Variants in SEMA3E observed in about 807,000 individuals in gnomAD.
The protein encoded by SEMA3E is semaphorin-3E.
Under a neutral mutation model 93.6 loss-of-function variants are expected in SEMA3E, and 49 were observed. The observed-to-expected ratio is 0.52, with a 90% CI of 0.42 to 0.66. The LOEUF (loss-of-function observed/expected upper bound fraction) is 0.66, where lower values mean the gene tolerates loss of function less well. Ranked by LOEUF, SEMA3E falls within the 30% of genes least tolerant of loss-of-function variation. The pLI is 0.00. For missense variants in SEMA3E, 906 were observed against 964.8 expected (o/e 0.94, Z 0.81); for synonymous variants, 363 against 330.7 (o/e 1.10, Z -1.06).
At chr7:83,603,630 A>C (rs1793043461) in intron 1 of SEMA3E, among the ~76,000 whole-genome samples, 2 of 152,168 alleles carry the variant, frequency 1.3e-5, no homozygotes, top group Non-Finnish European at 2.9e-5. Context: ...TTGTTTAGCA[A>C]ATTGATTCTA....
intron 1 of SEMA3E, among the ~76,000 whole-genome samples, chr7:83,554,315 C>T (rs933139899): frequency 1.3e-5 from 2 of 152,114 alleles, no homozygotes; most frequent in African/African-American, 4.8e-5. Flanking sequence ...TCAGGATTTT[C>T]AAACTTCAAA....
intron 1 of SEMA3E, among the ~76,000 whole-genome samples, chr7:83,491,095 ATAACTTTTTT>A (rs915824700): frequency 2.6e-5 from 4 of 152,080 alleles, no homozygotes; most frequent in African/African-American, 9.7e-5. Context: ...AAGTTAGAAG[ATAACTTTTTT>A]TACAAAGATC....
chr7:83,402,586 A>G, intron 10 of SEMA3E, 46 bp downstream of exon 10: 1 of 1,550,044 alleles, frequency 6.5e-7, no homozygotes, highest in Non-Finnish European at 8.9e-7. Flanking sequence ...ATATTACCAA[A>G]AGTATACTTA....
intron 16 of SEMA3E, among the ~76,000 whole-genome samples, chr7:83,378,439 A>G (rs1787705744): frequency 6.6e-6 from 1 of 151,896 alleles, no homozygotes; most frequent in Non-Finnish European, 1.5e-5. Context: ...TTTTTACTAA[A>G]AAGAAAACAA....
chr7:83,521,797 T>TA (rs1791055371), intron 1 of SEMA3E, among the ~76,000 whole-genome samples: 1 of 152,130 alleles, frequency 6.6e-6, no homozygotes, highest in Non-Finnish European at 1.5e-5. Flanking sequence ...ATAAGGACAC[T>TA]AATCCTATGA....
intron 5 of SEMA3E, among the ~76,000 whole-genome samples, chr7:83,413,726 C>T (rs942341459): frequency 6.6e-6 from 1 of 152,066 alleles, no homozygotes; most frequent in Non-Finnish European, 1.5e-5. Context: ...ATGATTAGCA[C>T]TAGCTCTCAA....
intron 1 of SEMA3E, among the ~76,000 whole-genome samples, chr7:83,532,568 T>G (rs1297668687): frequency 6.6e-6 from 1 of 152,146 alleles, no homozygotes; most frequent in African/African-American, 2.4e-5. Context: ...GACAAATGTA[T>G]TGCCCTGGTA....
Position 83,394,539 on chromosome 7 carries a change from A to T in SEMA3E, c.1459-201T>A, listed in dbSNP as rs150187178. Among the ~76,000 whole-genome samples the T allele has an allele frequency of 6.9e-3, 1,054 of 152,060 alleles. 2 individuals carry two copies. Among genetic ancestry groups the T allele is most frequent in the Admixed American group, 0.016 (236 of 15,206 alleles). Reference sequence around the variant, plus strand: ...CTTGTTTCTAACAGGGTGGGCAGATATGCAGATGAGAAGAGCAGCAGGAAA... The same window carrying T: ...CTTGTTTCTAACAGGGTGGGCAGATTTGCAGATGAGAAGAGCAGCAGGAAA... On this transcript the variant is annotated intron_variant, in intron 12 of 16. Coordinates refer to ENST00000643230, the MANE Select transcript of SEMA3E (RefSeq NM_012431.3).
At chr7:83,509,592 A>C (rs1790772425) in intron 1 of SEMA3E, among the ~76,000 whole-genome samples, 5 of 152,174 alleles carry the variant, frequency 3.3e-5, no homozygotes, top group Non-Finnish European at 1.5e-5. Flanking sequence ...TGGTAAATTC[A>C]GTGTTCAGTG....
At chr7:83,444,030 T>G (rs1789175476) in intron 4 of SEMA3E, among the ~76,000 whole-genome samples, 1 of 151,998 alleles carries the variant, frequency 6.6e-6, no homozygotes, top group African/African-American at 2.4e-5. Flanking sequence ...GACAGTCTCT[T>G]GAGATACTAA....
chr7:83,409,099 A>T (rs1414134315), intron 5 of SEMA3E, among the ~76,000 whole-genome samples: 1 of 152,202 alleles, frequency 6.6e-6, no homozygotes, highest in Non-Finnish European at 1.5e-5. Flanking sequence ...TTAATCAGAC[A>T]GTCAACAAAA....
At chr7:83,647,334 T>C (rs972639721) in intron 1 of SEMA3E, among the ~76,000 whole-genome samples, 1 of 152,136 alleles carries the variant, frequency 6.6e-6, no homozygotes, top group African/African-American at 2.4e-5. Context: ...TCCTGATAAA[T>C]ATTCTACCTG....
chr7:83,570,552 C>CAAAAAAAAAAAAAAAAAAAAAAAAAAA (rs59715914), intron 1 of SEMA3E, among the ~76,000 whole-genome samples: 1 of 33,082 alleles, frequency 3.0e-5, no homozygotes, highest in African/African-American at 2.3e-4. Context: ...GACTCCGTCT[C>CAAAAAAAAAAAAAAAAAAAAAAAAAAA]AAAAAAAAAA....
At position 83,620,141 on chromosome 7, in the gene SEMA3E, G is replaced by A. The variant is rs146724853; in HGVS notation, c.115+28287C>T. Among the ~76,000 whole-genome samples the A allele has an allele frequency of 3.0e-3, 449 of 151,674 alleles. 3 individuals carry two copies. Among genetic ancestry groups the A allele is most frequent in the Non-Finnish European group, 4.3e-3 (289 of 67,820 alleles). ...AGAATGAATAAAGTGATAGGAATGA[G>A]GGATTTTAAAATATTCAATAAGGTC... On this transcript the variant is annotated intron_variant, in intron 1 of 16. Transcript: ENST00000643230.
At chr7:83,508,916 A>G (rs1790756987) in intron 1 of SEMA3E, among the ~76,000 whole-genome samples, 1 of 152,178 alleles carries the variant, frequency 6.6e-6, no homozygotes. Context: ...TGATCTGATA[A>G]TAGCAAATTC....
At chr7:83,481,418 G>A (rs998522655) in intron 2 of SEMA3E, among the ~76,000 whole-genome samples, 4 of 151,814 alleles carry the variant, frequency 2.6e-5, no homozygotes, top group Non-Finnish European at 4.4e-5. Context: ...TTCTTAAAAC[G>A]TTAAATCAGA....
chr7:83,423,540 G>C lies in SEMA3E; in HGVS notation c.457-5057C>G, dbSNP rs1360706325. On this transcript the variant is annotated intron_variant, in intron 4 of 16. Coordinates refer to ENST00000643230, the MANE Select transcript of SEMA3E (RefSeq NM_012431.3). ...TTTTTTTGAGACAGAGTCTCGCTCT[G>C]TCGCCCAGGCTGGAGTGCAGTGGCA... Among the ~76,000 whole-genome samples, 4 of 137,896 alleles carry C rather than the reference G, an allele frequency of 2.9e-5. No individual in the cohort carries two copies. In the Admixed American group the frequency reaches 3.1e-4, roughly 11 times the overall value. The allele number at this position is 137,896 out of a possible 152,430, so 90.5% of individuals were successfully genotyped here.
intron 1 of SEMA3E, among the ~76,000 whole-genome samples, chr7:83,597,936 G>T (rs1458955077): frequency 2.2e-4 from 34 of 152,162 alleles, no homozygotes; most frequent in Admixed American, 2.2e-3. Flanking sequence ...GAGACAAGGA[G>T]TTTGAAATAA....
At chr7:83,606,696 G>A (rs1172396804) in intron 1 of SEMA3E, among the ~76,000 whole-genome samples, 1 of 145,808 alleles carries the variant, frequency 6.9e-6, no homozygotes, top group East Asian at 2.0e-4. Flanking sequence ...ACACCAGCAT[G>A]GCACATGTAT....
Sources: allele counts gnomAD v4.1 joint callset (sites outside exome capture counted in the v4.1 genomes callset), GRCh38; gene constraint gnomAD v4.1.1; transcripts MANE v1.5; gene names NCBI Gene and HGNC (gene_info 2026-07-23, HGNC 2026-07-21).